The following TDRD10 variants were observed in gnomAD, a reference collection of about 807,000 sequenced individuals.
TDRD10 encodes tudor domain containing 10.
TDRD10 carries 40 observed loss-of-function variants against 48.0 expected under a neutral mutation model. The ratio of observed to expected loss-of-function variants is 0.83; its 90% CI spans 0.65 to 1.09. TDRD10 has a LOEUF of 1.09. Among genes scored for constraint, TDRD10 ranks in the 50% least tolerant of loss-of-function variants. The pLI, the probability that TDRD10 is intolerant of heterozygous loss-of-function variation, is 0.00. For synonymous variants in TDRD10, 162 were observed against 170.4 expected (o/e 0.95, Z 0.38); for missense variants, 378 against 434.7 (o/e 0.87, Z 1.16).
chr1:154,507,808 C>G (rs1229976321), intron 3 of TDRD10, among the ~76,000 whole-genome samples: 3 of 152,202 alleles, frequency 2.0e-5, no homozygotes, highest in African/African-American at 7.2e-5. Context: ...CTAGTCCTGG[C>G]TATGAGCAAT....
chr1:154,540,811 C>T (rs1056259211), intron 6 of TDRD10, among the ~76,000 whole-genome samples: 2 of 152,084 alleles, frequency 1.3e-5, no homozygotes, highest in African/African-American at 4.8e-5. Flanking sequence ...CTGGGATGTG[C>T]CAGTGTTGAG....
At chr1:154,546,063 G>A (rs1480003273) in intron 11 of TDRD10, among the ~76,000 whole-genome samples, 1 of 143,322 alleles carries the variant, frequency 7.0e-6, no homozygotes, top group African/African-American at 2.6e-5. Context: ...GTGAGCCACC[G>A]TGCCCGGCCC....
At chr1:154,518,434 CT>C (rs201150265) in intron 4 of TDRD10, among the ~76,000 whole-genome samples, 5,157 of 147,828 alleles carry the variant, frequency 0.035, 302 homozygotes, top group African/African-American at 0.12. Flanking sequence ...TTGATCAAAA[CT>C]TTTTTTTTTT....
chr1:154,520,467 C>G (rs1693999157), intron 5 of TDRD10, 93 bp downstream of exon 5: 1 of 956,774 alleles, frequency 1.0e-6, no homozygotes, highest in East Asian at 2.4e-5. Flanking sequence ...ACTAGCCCAG[C>G]AACCGCCACG....
chr1:154,546,392 A>G (rs1695571859), intron 11 of TDRD10, among the ~76,000 whole-genome samples: 2 of 146,540 alleles, frequency 1.4e-5, no homozygotes, highest in Non-Finnish European at 3.0e-5. Context: ...TATATATAAA[A>G]TATATGTATA....
chr1:154,535,231 G>C (rs568599515), intron 6 of TDRD10, among the ~76,000 whole-genome samples: 1 of 152,224 alleles, frequency 6.6e-6, no homozygotes, highest in Non-Finnish European at 1.5e-5. Context: ...GCCAAGCGTG[G>C]TGGTGCACAC....
chr1:154,543,855 C>T (rs1695390397), intron 8 of TDRD10, 108 bp from the exon 9 acceptor site: 3 of 1,493,260 alleles, frequency 2.0e-6, no homozygotes, highest in Admixed American at 2.1e-5. Flanking sequence ...TTAGGGGACT[C>T]ATCCCCCAGG....
intron 12 of TDRD10, 28 bp from the exon 13 acceptor site, chr1:154,547,650 C>G: frequency 6.2e-7 from 1 of 1,614,186 alleles, no homozygotes; most frequent in Non-Finnish European, 8.5e-7. Flanking sequence ...GCCTTCCTTC[C>G]CACCAAGGCT....
chr1:154,518,157 A>T (rs539026722), intron 4 of TDRD10, among the ~76,000 whole-genome samples: 2 of 152,284 alleles, frequency 1.3e-5, no homozygotes, highest in Non-Finnish European at 2.9e-5. Context: ...ACTGGAAGGG[A>T]TGTGTCTTTA....
In TDRD10 at chr1:154,525,392, G is replaced by A. The variant is rs373734178; in HGVS notation, c.369+3913G>A. Among the ~76,000 whole-genome samples the A allele has an allele frequency of 9.2e-3, 524 of 56,964 alleles. 4 individuals are homozygous for A. The highest frequency in any genetic ancestry group is 0.035 in the Middle Eastern group (3 of 86). The allele number at this position is 56,964 out of a possible 152,430, so 37.4% of individuals were successfully genotyped here. ...AAGCATTCCTATGTAAACAACACAT[G>A]GGTCAAAGAAGAATTTATAAAGAAA... On this transcript the variant is annotated intron_variant, in intron 6 of 12. Transcript: ENST00000368482.
intron 4 of TDRD10, among the ~76,000 whole-genome samples, chr1:154,518,335 A>T (rs1330715414): frequency 1.3e-5 from 2 of 152,252 alleles, no homozygotes; most frequent in Non-Finnish European, 2.9e-5. Context: ...TAATTTAAAA[A>T]ATCCTAATAA....
intron 4 of TDRD10, chr1:154,510,011 G>A (rs1693361990): frequency 3.2e-6 from 1 of 313,734 alleles, no homozygotes; most frequent in African/African-American, 2.3e-5. Flanking sequence ...CCCCTTCGCA[G>A]AAAGCGGCAG....
Position 154,547,794 on chromosome 1 carries a change from C to G in TDRD10, c.*84C>G, listed in dbSNP as rs137974498. On this transcript the variant is annotated 3_prime_UTR_variant, in exon 13 of 13. Transcript: ENST00000368482. Reference sequence around the variant, plus strand: ...CCTGTCTTCTCGTACCCCTTTCACTCTTGAGGCCTGGGAGGTGAAAAAGGC... The same window carrying G: ...CCTGTCTTCTCGTACCCCTTTCACTGTTGAGGCCTGGGAGGTGAAAAAGGC... The G allele has an allele frequency of 5.8e-6, 9 of 1,555,596 alleles. No homozygotes were observed. The Admixed American group carries it at 8.4e-5, about 14-fold the overall frequency.
Position 154,544,507 on chromosome 1 carries a change from G to C in TDRD10, c.787G>C (p.Ala263Pro). 1.2e-6 allele frequency: 2 copies of C among 1,613,890 alleles called. No individual in the cohort carries two copies. Among genetic ancestry groups the C allele is most frequent in the Non-Finnish European group, 1.7e-6 (2 of 1,179,968 alleles). ...AEYHLGDYGHAWNRCWVLDRV... is the reference protein window; with the variant it reads ...AEYHLGDYGHPWNRCWVLDRV... ...GTACCACCTGGGGGATTATGGACACGCCTGGAACAGGTGTGTGCCTGGGCA... is the reference window on the plus strand; with the variant it reads ...GTACCACCTGGGGGATTATGGACACCCCTGGAACAGGTGTGTGCCTGGGCA... Residue 263 changes from alanine to proline, a missense_variant, in exon 10 of 13, where the codon GCC (alanine) becomes CCC (proline). By Grantham distance (27) the Ala-to-Pro change is conservative. This residue lies in a region of TDRD10 where 310 missense variants were observed against 323.6 expected (regional missense o/e 0.96). Transcript: ENST00000368482.
At chr1:154,523,433 C>T (rs1694158998) in intron 6 of TDRD10, among the ~76,000 whole-genome samples, 1 of 152,184 alleles carries the variant, frequency 6.6e-6, no homozygotes, top group Non-Finnish European at 1.5e-5. Context: ...GCCCTAGCCC[C>T]AGCGATTCTG....
At chr1:154,505,367 A>G (rs193261397) in intron 1 of TDRD10, among the ~76,000 whole-genome samples, 1 of 152,360 alleles carries the variant, frequency 6.6e-6, no homozygotes, top group African/African-American at 2.4e-5. Context: ...TCAGAAGCCC[A>G]TAGGCTTTTC....
intron 6 of TDRD10, among the ~76,000 whole-genome samples, chr1:154,535,064 A>T (rs1397651513): frequency 1.3e-5 from 2 of 152,218 alleles, no homozygotes; most frequent in Non-Finnish European, 2.9e-5. Flanking sequence ...GTGTGATTGA[A>T]TTCTTCAGGA....
At chr1:154,526,240 TA>T (rs557735911) in intron 6 of TDRD10, among the ~76,000 whole-genome samples, 8 of 140,310 alleles carry the variant, frequency 5.7e-5, no homozygotes, top group South Asian at 2.3e-4. Flanking sequence ...ATTATTGAAA[TA>T]AAAAAAAAAT....
intron 7 of TDRD10, 50 bp downstream of exon 7, chr1:154,542,116 T>A: frequency 6.2e-7 from 1 of 1,602,122 alleles, no homozygotes; most frequent in Non-Finnish European, 8.5e-7. Flanking sequence ...TTGCAGCTCC[T>A]AATGGACCTC....
Sources: allele counts gnomAD v4.1 joint callset (sites outside exome capture counted in the v4.1 genomes callset), GRCh38; gene constraint gnomAD v4.1.1; regional missense constraint gnomAD v4.1.1; transcripts MANE v1.5; gene names NCBI Gene and HGNC (gene_info 2026-07-23, HGNC 2026-07-21).